DYRK1A: variants seen among roughly 807,000 people sequenced by gnomAD.
DYRK1A encodes the protein dual specificity tyrosine phosphorylation regulated kinase 1A, also known as dual specificity tyrosine-phosphorylation-regulated kinase 1A.
Under a neutral mutation model 79.7 loss-of-function variants are expected in DYRK1A, and 9 were observed. That is an observed-to-expected ratio of 0.11 (90% CI 0.07 to 0.20). DYRK1A has a LOEUF of 0.20. Ranked by LOEUF, DYRK1A falls within the 10% of genes least tolerant of loss-of-function variation. DYRK1A has a pLI of 1.00. For missense variants in DYRK1A, 622 were observed against 956.0 expected, an observed-to-expected ratio of 0.65 and a Z score of 4.61; for synonymous variants, 349 against 329.7, an observed-to-expected ratio of 1.06 and a Z score of -0.63.
At chr21:37,395,571 A>G (rs1334381176) in intron 1 of DYRK1A, among the ~76,000 whole-genome samples, 3 of 152,210 alleles carry the variant, frequency 2.0e-5, no homozygotes, top group Non-Finnish European at 4.4e-5. Flanking sequence ...AATTAAATTT[A>G]AATTAAATTT....
At chr21:37,410,433 G>A (rs979510140) in intron 1 of DYRK1A, 2 of 152,234 alleles carry the variant, frequency 1.3e-5, no homozygotes, top group African/African-American at 4.8e-5. Flanking sequence ...CTTTGAAATG[G>A]ATGAGTTTTC....
At chr21:37,426,275 GT>G (rs1466140005) in intron 2 of DYRK1A, among the ~76,000 whole-genome samples, 1 of 152,100 alleles carries the variant, frequency 6.6e-6, no homozygotes, top group Non-Finnish European at 1.5e-5. Context: ...TTTCCCCAAA[GT>G]TTTTTATTTT....
intron 2 of DYRK1A, among the ~76,000 whole-genome samples, chr21:37,468,192 G>A (rs2052098441): frequency 6.6e-6 from 1 of 152,008 alleles, no homozygotes; most frequent in Non-Finnish European, 1.5e-5. Context: ...ACTCACTGCA[G>A]CCTTGAAATC....
chr21:37,428,780 TATC>T (rs2050695621), intron 2 of DYRK1A: 1 of 152,188 alleles, frequency 6.6e-6, no homozygotes, highest in Non-Finnish European at 1.5e-5. Context: ...TATAAAAAGT[TATC>T]ATTGCTTAAG....
chr21:37,476,825 C>CT (rs57851376), intron 3 of DYRK1A, among the ~76,000 whole-genome samples: 2 of 145,514 alleles, frequency 1.4e-5, no homozygotes, highest in Non-Finnish European at 1.5e-5. Context: ...GGTTCCCCCC[C>CT]CCCCCAACCT....
chr21:37,482,963 G>T (rs1316587986), intron 5 of DYRK1A, among the ~76,000 whole-genome samples: 4 of 152,120 alleles, frequency 2.6e-5, no homozygotes, highest in Non-Finnish European at 2.9e-5. Flanking sequence ...CTGTTATCCT[G>T]TTCTTTTTTC....
intron 2 of DYRK1A, among the ~76,000 whole-genome samples, chr21:37,429,235 CCATTGTTGAGTGCTTG>C (rs529308420): frequency 8.5e-4 from 129 of 152,220 alleles, no homozygotes; most frequent in Non-Finnish European, 1.4e-3. Flanking sequence ...AGCTTAAAAA[CCATTGTTGAGTGCTTG>C]CTGTTTTTGT....
chr21:37,452,641 T>A (rs535234313), intron 2 of DYRK1A, among the ~76,000 whole-genome samples: 2 of 152,084 alleles, frequency 1.3e-5, no homozygotes, highest in South Asian at 4.2e-4. Flanking sequence ...TTCCCTGTCA[T>A]AGGAGATGGG....
At chr21:37,437,281 T>C (rs2050951699) in intron 2 of DYRK1A, among the ~76,000 whole-genome samples, 1 of 152,218 alleles carries the variant, frequency 6.6e-6, no homozygotes, top group African/African-American at 2.4e-5. Context: ...AGTTTCAAAA[T>C]AGACATTTCT....
At chr21:37,478,071 G>A in intron 3 of DYRK1A, 137 bp from the exon 4 acceptor site, 1 of 1,152,122 alleles carries the variant, frequency 8.7e-7, no homozygotes. Context: ...GAGAGAGAAT[G>A]TATAATCATC....
intron 2 of DYRK1A, among the ~76,000 whole-genome samples, chr21:37,426,932 AAAAG>A (rs1448419102): frequency 9.3e-5 from 14 of 151,266 alleles, no homozygotes; most frequent in African/African-American, 2.9e-4. Context: ...AAAAAAAAAA[AAAAG>A]AGATGAATAA....
chr21:37,450,096 A>G (rs1204454781), intron 2 of DYRK1A, among the ~76,000 whole-genome samples: 2 of 152,124 alleles, frequency 1.3e-5, no homozygotes, highest in Admixed American at 1.3e-4. Flanking sequence ...TCCACTGTGG[A>G]TAGTCTCTTA....
At chr21:37,388,222 A>G (rs1455296730) in intron 1 of DYRK1A, among the ~76,000 whole-genome samples, 1 of 141,202 alleles carries the variant, frequency 7.1e-6, no homozygotes, top group African/African-American at 2.7e-5. Context: ...AGCTGGGACT[A>G]TAGGCACATA....
chr21:37,370,548 C>T (rs1251218610), intron 1 of DYRK1A, among the ~76,000 whole-genome samples: 3 of 152,128 alleles, frequency 2.0e-5, no homozygotes, highest in African/African-American at 4.8e-5. Flanking sequence ...CATTAGCTTT[C>T]CTCATATTTG....
intron 11 of DYRK1A, 52 bp downstream of exon 11, chr21:37,506,275 A>G (rs774188351): frequency 3.3e-5 from 54 of 1,613,602 alleles, no homozygotes; most frequent in Non-Finnish European, 4.4e-5. Flanking sequence ...TCTCAGGTGG[A>G]GCAGCACTGG....
intron 2 of DYRK1A, among the ~76,000 whole-genome samples, chr21:37,437,369 T>G (rs1057139243): frequency 3.9e-5 from 6 of 152,134 alleles, no homozygotes; most frequent in Admixed American, 2.6e-4. Flanking sequence ...AAACGAGATA[T>G]GTTGTAGGAG....
rs764954220 is a variant in DYRK1A at position 37,486,616 on chromosome 21, TAAAC to T, written c.637+8_637+11del. 17 of 1,554,954 alleles carry T rather than the reference TAAAC, an allele frequency of 1.1e-5. No homozygotes were observed. The Admixed American group carries it at 2.4e-4, about 22-fold the overall frequency. On this transcript the variant is annotated splice_donor_5th_base_variant and intron_variant, in intron 6 of 11. Coordinates refer to ENST00000647188, the MANE Select transcript of DYRK1A (RefSeq NM_001347721.2). ...ACACTGAAATGAAATACTACATAGG[TAAAC>T]AAACAGGCAAACAGCGCAGTGTGCC... is the stretch of plus-strand genomic sequence containing the variant.
intron 9 of DYRK1A, among the ~76,000 whole-genome samples, chr21:37,499,359 A>G (rs1390076145): frequency 6.6e-6 from 1 of 152,218 alleles, no homozygotes; most frequent in Non-Finnish European, 1.5e-5. Context: ...TTACAGCAGC[A>G]TTTGCTGAAA....
chr21:37,524,926 A>G lies in DYRK1A; in HGVS notation c.*12395A>G, dbSNP rs8129651. ...CCTGCCTGGCCAACATGGTGAAACT[A>G]CATCTCTACTAAAAGTACAAAAATT... On this transcript the variant is annotated 3_prime_UTR_variant, in exon 12 of 12. Coordinates refer to ENST00000647188, the MANE Select transcript of DYRK1A (RefSeq NM_001347721.2). The G allele has an allele frequency of 0.52, 79,192 of 152,110 alleles. 21,159 individuals are homozygous for G. Among genetic ancestry groups the G allele is most frequent in the African/African-American group, 0.64 (26,627 of 41,480 alleles). 9.4% of individuals were successfully genotyped at this position (152,110 alleles called of 1,614,324 possible).
Sources: allele counts gnomAD v4.1 joint callset (sites outside exome capture counted in the v4.1 genomes callset), GRCh38; gene constraint gnomAD v4.1.1; transcripts MANE v1.5; gene names NCBI Gene and HGNC (gene_info 2026-07-23, HGNC 2026-07-21).